The following EXOC6B variants were observed in gnomAD, a reference collection of about 807,000 sequenced individuals.
EXOC6B encodes the protein exocyst complex component 6B, also known as SEC15 homolog B.
In EXOC6B, 54 loss-of-function variants were observed where a neutral mutation model predicts 113.5. The observed-to-expected ratio is 0.48, with a 90% CI of 0.38 to 0.60. The LOEUF is 0.60. Among genes scored for constraint, EXOC6B ranks in the 20% least tolerant of loss-of-function variants. EXOC6B has a pLI of 0.00. For synonymous variants in EXOC6B, 357 were observed against 339.0 expected (o/e 1.05, Z -0.58); for missense variants, 797 against 977.5 (o/e 0.82, Z 2.46).
intron 6 of EXOC6B, among the ~76,000 whole-genome samples, chr2:72,689,356 T>C (rs1677322757): frequency 6.6e-6 from 1 of 152,184 alleles, no homozygotes; most frequent in African/African-American, 2.4e-5. Context: ...TAAACCTCAG[T>C]CTCCACTCAT....
chr2:72,507,798 CTTTGAA>C (rs914919642), intron 11 of EXOC6B, among the ~76,000 whole-genome samples: 1 of 151,858 alleles, frequency 6.6e-6, no homozygotes, highest in African/African-American at 2.4e-5. Flanking sequence ...CAGATCTACA[CTTTGAA>C]AAGAATCAGC....
chr2:72,267,775 T>C (rs113157420), intron 20 of EXOC6B, among the ~76,000 whole-genome samples: 2,167 of 152,292 alleles, frequency 0.014, 51 homozygotes, highest in African/African-American at 0.049. Context: ...AACTTTGAAC[T>C]TGAAAGAGAT....
chr2:72,762,818 C>T (rs1324196305), intron 1 of EXOC6B, among the ~76,000 whole-genome samples: 1 of 151,358 alleles, frequency 6.6e-6, no homozygotes, highest in Non-Finnish European at 1.5e-5. Context: ...GCTGATTGTT[C>T]AAAGCAAAAA....
intron 19 of EXOC6B, among the ~76,000 whole-genome samples, chr2:72,352,690 T>C (rs1689724922): frequency 6.6e-6 from 1 of 151,068 alleles, no homozygotes; most frequent in African/African-American, 2.4e-5. Context: ...TTTAAAAATG[T>C]CTTACTTAAA....
At chr2:72,575,179 C>T (rs1350163675) in intron 7 of EXOC6B, among the ~76,000 whole-genome samples, 3 of 152,054 alleles carry the variant, frequency 2.0e-5, no homozygotes, top group African/African-American at 7.2e-5. Flanking sequence ...TCACCTAGAC[C>T]TCCTGTCTCT....
rs531019208 is a variant in EXOC6B at position 72,515,623 on chromosome 2, C to A, written c.916-497G>T. ...GGTTATAATCCAGCACAGGATTAAA[C>A]CCAAAAAACAAAAACAAAAGCATGA... On this transcript the variant is annotated intron_variant, in intron 8 of 21. Transcript: ENST00000272427. 5.6e-5 allele frequency: 55 copies of A among 989,612 alleles called. No homozygotes were observed. The South Asian group carries it at 2.4e-3, about 42-fold the overall frequency. The allele number at this position is 989,612 out of a possible 1,614,324, so 61.3% of individuals were successfully genotyped here.
chr2:72,436,238 T>C (rs1362222313), intron 18 of EXOC6B, among the ~76,000 whole-genome samples: 1 of 152,222 alleles, frequency 6.6e-6, no homozygotes, highest in African/African-American at 2.4e-5. Context: ...CACTCTCTTC[T>C]GGATTGTAGG....
intron 6 of EXOC6B, among the ~76,000 whole-genome samples, chr2:72,701,572 T>C (rs1216009864): frequency 5.3e-5 from 8 of 152,192 alleles, no homozygotes; most frequent in African/African-American, 1.9e-4. Flanking sequence ...ACCTAGGTTC[T>C]GTGGGAACAA....
intron 18 of EXOC6B, among the ~76,000 whole-genome samples, chr2:72,416,617 G>A (rs921750028): frequency 7.9e-5 from 12 of 152,174 alleles, no homozygotes; most frequent in Non-Finnish European, 1.8e-4. Context: ...TTGGGTCCTG[G>A]TTCTTCTCTT....
At chr2:72,255,891 G>C (rs1370781680) in intron 20 of EXOC6B, among the ~76,000 whole-genome samples, 1 of 152,164 alleles carries the variant, frequency 6.6e-6, no homozygotes, top group African/African-American at 2.4e-5. Context: ...GAGAGCCAGA[G>C]GATAAACTAC....
At chr2:72,259,909 AG>A (rs1350234055) in intron 20 of EXOC6B, among the ~76,000 whole-genome samples, 1 of 152,074 alleles carries the variant, frequency 6.6e-6, no homozygotes, top group Non-Finnish European at 1.5e-5. Flanking sequence ...AAAATTAGCC[AG>A]GGGTGGTGGT....
At chr2:72,572,359 C>CCAT (rs1704566664) in intron 7 of EXOC6B, among the ~76,000 whole-genome samples, 1 of 152,112 alleles carries the variant, frequency 6.6e-6, no homozygotes, top group Non-Finnish European at 1.5e-5. Context: ...CAGGTGATTC[C>CCAT]CATGCACATT....
chr2:72,639,320 C>A (rs1056250512), intron 6 of EXOC6B, among the ~76,000 whole-genome samples: 2 of 152,146 alleles, frequency 1.3e-5, no homozygotes, highest in African/African-American at 2.4e-5. Flanking sequence ...GTGACCACTC[C>A]TGCTTCCTGG....
chr2:72,488,775 C>T (rs1171744756), intron 16 of EXOC6B, among the ~76,000 whole-genome samples: 1 of 152,182 alleles, frequency 6.6e-6, no homozygotes, highest in East Asian at 1.9e-4. Context: ...CCTAACTAGT[C>T]CCCTTGTTTC....
chr2:72,718,585 T>C (rs1679788500), intron 5 of EXOC6B, among the ~76,000 whole-genome samples: 1 of 152,226 alleles, frequency 6.6e-6, no homozygotes, highest in African/African-American at 2.4e-5. Flanking sequence ...GGGCCAGGCA[T>C]GGTGGATCAT....
intron 6 of EXOC6B, among the ~76,000 whole-genome samples, chr2:72,697,794 G>A (rs1244081818): frequency 6.6e-6 from 1 of 152,050 alleles, no homozygotes; most frequent in Non-Finnish European, 1.5e-5. Context: ...TTATAATATT[G>A]TGCATACTCC....
At chr2:72,786,197 G>T (rs1684365370) in intron 1 of EXOC6B, among the ~76,000 whole-genome samples, 1 of 152,120 alleles carries the variant, frequency 6.6e-6, no homozygotes, top group South Asian at 2.1e-4. Context: ...ATTTATTTAG[G>T]GTTAGATTAT....
chr2:72,823,471 A>C (rs527470025), intron 1 of EXOC6B, among the ~76,000 whole-genome samples: 16 of 138,798 alleles, frequency 1.2e-4, no homozygotes, highest in East Asian at 8.3e-4. Context: ...AAAAAAAAAA[A>C]AAAAAAACAA....
chr2:72,428,349 C>T (rs1230971971), intron 18 of EXOC6B, among the ~76,000 whole-genome samples: 2 of 152,192 alleles, frequency 1.3e-5, no homozygotes, highest in East Asian at 3.9e-4. Context: ...TCTTTGGGGC[C>T]CTGTGTTTCA....
Sources: gnomAD v4.1 joint callset for allele counts (sites outside exome capture counted in the v4.1 genomes callset) on GRCh38, gnomAD v4.1.1 for gene constraint, MANE v1.5 for transcripts, NCBI Gene and HGNC (gene_info 2026-07-23, HGNC 2026-07-21) for gene names.